ADAM22: variants seen among roughly 807,000 people sequenced by gnomAD.
ADAM22 encodes the protein disintegrin and metalloproteinase domain-containing protein 22.
ADAM22 carries 65 observed loss-of-function variants against 144.6 expected under a neutral mutation model. That is an observed-to-expected ratio of 0.45 (90% confidence interval 0.37 to 0.55). The LOEUF (loss-of-function observed/expected upper bound fraction) is 0.55. Among genes scored for constraint, ADAM22 ranks in the 20% least tolerant of loss-of-function variants. ADAM22 has a pLI of 0.00. For missense variants in ADAM22, 974 were observed against 1,184.9 expected (o/e 0.82, Z 2.61); for synonymous variants, 391 against 412.6 (o/e 0.95, Z 0.63).
chr7:88,161,206 A>G (rs1207996963), intron 22 of ADAM22, among the ~76,000 whole-genome samples: 1 of 151,394 alleles, frequency 6.6e-6, no homozygotes. Context: ...AAAAAAAAAA[A>G]CAAGTAATGG....
At chr7:88,132,739 C>T in intron 11 of ADAM22, 128 bp from the exon 12 acceptor site, 3 of 673,654 alleles carry the variant, frequency 4.5e-6, no homozygotes, top group East Asian at 5.9e-5. Context: ...ACATTCTTCC[C>T]TTGCAATGTG....
chr7:87,955,541 C>G (rs1562845254), intron 2 of ADAM22, among the ~76,000 whole-genome samples: 1 of 152,154 alleles, frequency 6.6e-6, no homozygotes, highest in Non-Finnish European at 1.5e-5. Flanking sequence ...TCAGTCTGCC[C>G]CTACTGGGGG....
intron 2 of ADAM22, among the ~76,000 whole-genome samples, chr7:87,950,288 C>G (rs1006696910): frequency 9.2e-6 from 1 of 108,402 alleles, no homozygotes; most frequent in Non-Finnish European, 1.8e-5. Context: ...TCCCTCCCCC[C>G]TCCCCCCACC....
intron 4 of ADAM22, among the ~76,000 whole-genome samples, chr7:88,083,261 T>G (rs1191110422): frequency 6.6e-6 from 1 of 151,998 alleles, no homozygotes; most frequent in Non-Finnish European, 1.5e-5. Flanking sequence ...CACCGCATGT[T>G]CTCACTCATA....
At chr7:88,153,130 A>C in intron 20 of ADAM22, 91 bp from the exon 21 acceptor site, 2 of 765,004 alleles carry the variant, frequency 2.6e-6, no homozygotes, top group South Asian at 1.8e-5. Context: ...AGTGATGAAG[A>C]GTCCTTATAT....
At chr7:88,051,353 A>C (rs542565598) in intron 3 of ADAM22, among the ~76,000 whole-genome samples, 11 of 152,336 alleles carry the variant, frequency 7.2e-5, no homozygotes, top group Non-Finnish European at 1.5e-4. Context: ...CATATACACC[A>C]TGGAATACTA....
chr7:87,985,777 T>C (rs1343527414), intron 3 of ADAM22, among the ~76,000 whole-genome samples: 30 of 152,232 alleles, frequency 2.0e-4, no homozygotes, highest in Admixed American at 1.9e-3. Context: ...ACAATCTGTC[T>C]GTGTAGTCTT....
rs114078018 is a variant in ADAM22, at chr7:88,131,096, G to A, written c.826-173G>A. ...AAAAGTGCTCTGTTCTTTGGGTATT[G>A]GTCAACAATTTCATTCTCTGTTACT... On this transcript the variant is annotated intron_variant, in intron 10 of 31. Transcript: ENST00000413139. Among the ~76,000 whole-genome samples the A allele has an allele frequency of 7.6e-3, 1,156 of 152,112 alleles. 13 individuals are homozygous for A. The highest frequency in any genetic ancestry group is 0.027 in the African/African-American group (1,107 of 41,528).
At chr7:88,029,133 T>G (rs1242355742) in intron 3 of ADAM22, among the ~76,000 whole-genome samples, 2 of 152,058 alleles carry the variant, frequency 1.3e-5, no homozygotes, top group Middle Eastern at 3.2e-3. Context: ...ATTTTAAAAT[T>G]TGTTTTCTGG....
intron 8 of ADAM22, 80 bp downstream of exon 8, chr7:88,125,739 G>C: frequency 8.8e-7 from 1 of 1,140,148 alleles, no homozygotes; most frequent in Non-Finnish European, 1.2e-6. Flanking sequence ...GTAAGTCTGT[G>C]TGAGAGGGTG....
intron 2 of ADAM22, among the ~76,000 whole-genome samples, chr7:87,959,174 A>T (rs1160781365): frequency 6.6e-6 from 1 of 152,156 alleles, no homozygotes; most frequent in African/African-American, 2.4e-5. Flanking sequence ...GACTCCATGG[A>T]TTTAAAGCTC....
chr7:87,967,837 T>C (rs1849509722), intron 2 of ADAM22, among the ~76,000 whole-genome samples: 1 of 147,362 alleles, frequency 6.8e-6, no homozygotes, highest in Non-Finnish European at 1.5e-5. Context: ...AAAAGTATAT[T>C]GAGGTTCTAC....
intron 4 of ADAM22, among the ~76,000 whole-genome samples, chr7:88,080,868 A>C (rs1279146279): frequency 3.3e-5 from 5 of 152,198 alleles, no homozygotes; most frequent in Non-Finnish European, 7.3e-5. Context: ...CAACCAAAAA[A>C]AGTCCAGGAC....
At position 88,047,469 on chromosome 7, in the gene ADAM22, A is replaced by G. The variant is rs549935908; in HGVS notation, c.324-28157A>G. On this transcript the variant is annotated intron_variant, in intron 3 of 31. Coordinates refer to ENST00000413139, the MANE Select transcript of ADAM22 (RefSeq NM_001324418.2). ...TCAGTTCTGTTTATTGTGACTCTCA[A>G]TGATACATTGGGATTTGATTTTTGT... 6.2e-4 allele frequency among the ~76,000 whole-genome samples: 94 copies of G among 152,238 alleles called. 1 individual carries two copies. Among genetic ancestry groups the G allele is most frequent in the African/African-American group, 2.1e-3 (87 of 41,546 alleles).
chr7:88,186,358 T>C (rs1177450130), intron 29 of ADAM22: 1 of 447,284 alleles, frequency 2.2e-6, no homozygotes, highest in African/African-American at 2.0e-5. Context: ...TCTAATTCAC[T>C]TTGGGAAGCC....
intron 3 of ADAM22, among the ~76,000 whole-genome samples, chr7:87,983,437 T>C (rs1854206160): frequency 6.6e-6 from 1 of 152,120 alleles, no homozygotes; most frequent in Non-Finnish European, 1.5e-5. Flanking sequence ...ACTGTGGGTG[T>C]AATATTTTTC....
chr7:88,090,503 C>G (rs1819580128), intron 4 of ADAM22, among the ~76,000 whole-genome samples: 1 of 152,154 alleles, frequency 6.6e-6, no homozygotes, highest in African/African-American at 2.4e-5. Context: ...GTCAGTTTGA[C>G]TAGTAATGAA....
chr7:88,015,440 G>A (rs138096167), intron 3 of ADAM22, among the ~76,000 whole-genome samples: 243 of 152,284 alleles, frequency 1.6e-3, no homozygotes, highest in Non-Finnish European at 3.0e-3. Context: ...GCTGCCCTTA[G>A]TTGTACATTT....
At chr7:88,041,756 T>G (rs1803186297) in intron 3 of ADAM22, among the ~76,000 whole-genome samples, 1 of 152,008 alleles carries the variant, frequency 6.6e-6, no homozygotes, top group Non-Finnish European at 1.5e-5. Flanking sequence ...ATAAGGATAA[T>G]TGCTTCTGGT....
Sources: allele counts gnomAD v4.1 joint callset (sites outside exome capture counted in the v4.1 genomes callset), GRCh38; gene constraint gnomAD v4.1.1; transcripts MANE v1.5; gene names NCBI Gene and HGNC (gene_info 2026-07-23, HGNC 2026-07-21).